LRRN1: variants seen among roughly 807,000 people sequenced by gnomAD.
The protein encoded by LRRN1 is leucine-rich repeat neuronal protein 1.
LRRN1 carries 14 observed loss-of-function variants against 45.8 expected under a neutral mutation model. The observed-to-expected ratio is 0.31, with a 90% CI of 0.20 to 0.48. The LOEUF is 0.48. Among genes scored for constraint, LRRN1 ranks in the 20% least tolerant of loss-of-function variants. The pLI is 0.99. For synonymous variants in LRRN1, 359 were observed against 330.1 expected, an observed-to-expected ratio of 1.09 and a Z score of -0.95; for missense variants, 789 against 874.2, an observed-to-expected ratio of 0.90 and a Z score of 1.23.
intron 1 of LRRN1, among the ~76,000 whole-genome samples, chr3:3,838,004 C>G (rs1191091819): frequency 6.6e-6 from 1 of 152,022 alleles, no homozygotes; most frequent in African/African-American, 2.4e-5. Flanking sequence ...TCTGTTCCTG[C>G]GTTAGTTTGC....
chr3:3,844,729 A>G lies in LRRN1; in HGVS notation c.88A>G (p.Ser30Gly). 6.2e-7 allele frequency: 1 copy of G among 1,614,150 alleles called. No individual in the cohort carries two copies. Among genetic ancestry groups the G allele is most frequent in the Non-Finnish European group, 8.5e-7 (1 of 1,180,014 alleles). The stretch of plus-strand genomic sequence containing the variant: ...ATTAACCGAGTCTTCCATACAGAAT[A>G]GTGAGTGTCCACAACTTTGCGTATG... ...TSLTESSIQN[S>G]ECPQLCVCEI... Residue 30 changes from serine to glycine, a missense_variant, in exon 2 of 2, where the codon AGT becomes GGT. Coordinates refer to ENST00000319331, the MANE Select transcript of LRRN1 (RefSeq NM_020873.7).
intron 1 of LRRN1, among the ~76,000 whole-genome samples, chr3:3,808,019 G>A (rs1044039888): frequency 5.3e-5 from 8 of 152,178 alleles, no homozygotes; most frequent in African/African-American, 1.9e-4. Flanking sequence ...AAATATGTGG[G>A]CAAAGGCTGG....
Position 3,804,541 on chromosome 3 carries a change from C to A in LRRN1, c.-279+4622C>A, listed in dbSNP as rs917454379. Among the ~76,000 whole-genome samples, 3 of 152,338 alleles carry A rather than the reference C, an allele frequency of 2.0e-5. No individual in the cohort carries two copies. In the South Asian group the frequency reaches 6.2e-4, roughly 32 times the overall value. The stretch of plus-strand genomic sequence containing the variant: ...AGCTTAAGACACTTAGTTTTAAAAT[C>A]TATGGAGTGAAAACTGCTTTTAGAG... On this transcript the variant is annotated intron_variant, in intron 1 of 1. Coordinates refer to ENST00000319331, the MANE Select transcript of LRRN1 (RefSeq NM_020873.7).
chr3:3,836,572 G>T (rs917455602), intron 1 of LRRN1, among the ~76,000 whole-genome samples: 5 of 152,048 alleles, frequency 3.3e-5, no homozygotes, highest in African/African-American at 1.2e-4. Context: ...GTGTGTGTTT[G>T]TGTGTGTGTA....
chr3:3,817,697 T>C (rs1378129809), intron 1 of LRRN1, among the ~76,000 whole-genome samples: 1 of 152,182 alleles, frequency 6.6e-6, no homozygotes, highest in Non-Finnish European at 1.5e-5. Context: ...TGTTAGTTTT[T>C]TTTTTTTTTA....
At chr3:3,823,477 T>G (rs541091296) in intron 1 of LRRN1, among the ~76,000 whole-genome samples, 2 of 152,264 alleles carry the variant, frequency 1.3e-5, no homozygotes, top group Non-Finnish European at 2.9e-5. Flanking sequence ...TTTCAGGACA[T>G]AAATTAATTT....
intron 1 of LRRN1, among the ~76,000 whole-genome samples, chr3:3,807,633 C>G (rs559172017): frequency 6.6e-6 from 1 of 152,282 alleles, no homozygotes; most frequent in Admixed American, 6.5e-5. Context: ...GACTGAGAAG[C>G]CACATGACTA....
rs990498769 is a variant in LRRN1 at position 3,849,290 on chromosome 3, T to C, written c.*2498T>C. 2.6e-5 allele frequency among the ~76,000 whole-genome samples: 4 copies of C among 152,232 alleles called. No homozygotes were observed. The highest frequency in any genetic ancestry group is 5.9e-5 in the Non-Finnish European group (4 of 68,036). ...CAAGCACCGGGAAATCTAAGATTTTTCATCAACAATATCTTCTGCCAGCCC... is the reference window on the plus strand; with the variant it reads ...CAAGCACCGGGAAATCTAAGATTTTCCATCAACAATATCTTCTGCCAGCCC... On this transcript the variant is annotated 3_prime_UTR_variant, in exon 2 of 2. Coordinates refer to ENST00000319331, the MANE Select transcript of LRRN1 (RefSeq NM_020873.7).
intron 1 of LRRN1, among the ~76,000 whole-genome samples, chr3:3,828,873 G>A (rs974310082): frequency 6.6e-6 from 1 of 152,110 alleles, no homozygotes; most frequent in African/African-American, 2.4e-5. Context: ...TTCTGCACTT[G>A]TTTCTGCAGC....
At chr3:3,838,255 A>G (rs1693568723) in intron 1 of LRRN1, among the ~76,000 whole-genome samples, 1 of 152,220 alleles carries the variant, frequency 6.6e-6, no homozygotes. Flanking sequence ...CTAACTCAAG[A>G]TAGATTAAAG....
At chr3:3,839,912 TTATG>T (rs1693610507) in intron 1 of LRRN1, among the ~76,000 whole-genome samples, 11 of 152,250 alleles carry the variant, frequency 7.2e-5, no homozygotes, top group Admixed American at 7.2e-4. Flanking sequence ...ATATATGAGA[TTATG>T]TAATCTGGGA....
At chr3:3,818,557 T>A (rs1214452976) in intron 1 of LRRN1, among the ~76,000 whole-genome samples, 1 of 152,080 alleles carries the variant, frequency 6.6e-6, no homozygotes, top group Non-Finnish European at 1.5e-5. Flanking sequence ...AGAAAAAAAT[T>A]TTTCCCGTCG....
Position 3,845,566 on chromosome 3 carries a change from G to A in LRRN1, c.925G>A (p.Asp309Asn). 1 of 1,614,092 alleles carries A rather than the reference G, an allele frequency of 6.2e-7. No homozygotes were observed. Among genetic ancestry groups the A allele is most frequent in the African/African-American group, 1.3e-5 (1 of 75,012 alleles). Residue 309 changes from aspartate to asparagine, a missense_variant, in exon 2 of 2, where the codon GAT (aspartate) becomes AAT (asparagine). Asp to Asn is a conservative substitution (Grantham distance 23, BLOSUM62 1). Coordinates refer to ENST00000319331, the MANE Select transcript of LRRN1 (RefSeq NM_020873.7). The surrounding 1 kb of genome is among the most constrained non-coding windows in gnomAD (Gnocchi z 6.5). ...CGTTTCTGTCGACCGCTATGCCCTG[G>A]ATAACTTGCCTGAACTCACAAAGCT... Reference protein sequence around the residue: ...ELVSVDRYALDNLPELTKLEA... With the variant: ...ELVSVDRYALNNLPELTKLEA...
intron 1 of LRRN1, among the ~76,000 whole-genome samples, chr3:3,800,482 G>T (rs915797480): frequency 6.6e-6 from 1 of 152,206 alleles, no homozygotes; most frequent in Admixed American, 6.5e-5. Context: ...ACAAGGCACT[G>T]AAAGTATTGA....
chr3:3,845,134 G>C lies in LRRN1; in HGVS notation c.493G>C (p.Gly165Arg), dbSNP rs1693736581. 3 of 1,614,008 alleles carry C rather than the reference G, an allele frequency of 1.9e-6. No individual in the cohort carries two copies. Among genetic ancestry groups the C allele is most frequent in the African/African-American group, 1.3e-5 (1 of 74,910 alleles). The change falls in exon 2 of 2, where the codon GGC becomes CGC. Residue 165 changes from glycine to arginine, a missense_variant. Coordinates refer to ENST00000319331, the MANE Select transcript of LRRN1 (RefSeq NM_020873.7). The surrounding 1 kb of genome is among the most constrained non-coding windows in gnomAD (Gnocchi z 6.5). ...ISTISAHAFA[G>R]LKNLLRLHLN... ...CACTATTTCTGCTCATGCTTTTGCA[G>C]GCTTAAAAAATCTATTAAGGCTCCA...
chr3:3,836,539 A>G (rs561491878), intron 1 of LRRN1, among the ~76,000 whole-genome samples: 15 of 152,232 alleles, frequency 9.9e-5, no homozygotes, highest in East Asian at 5.8e-4. Context: ...ATTCCATTGT[A>G]TGTACACACC....
At chr3:3,827,017 T>C (rs776121739) in intron 1 of LRRN1, among the ~76,000 whole-genome samples, 6 of 152,096 alleles carry the variant, frequency 3.9e-5, no homozygotes, top group Non-Finnish European at 7.4e-5. Flanking sequence ...TGCCTTACTT[T>C]CATCTTCAAC....
intron 1 of LRRN1, among the ~76,000 whole-genome samples, chr3:3,809,188 G>C (rs1426036499): frequency 2.0e-5 from 3 of 152,120 alleles, no homozygotes; most frequent in Admixed American, 2.0e-4. Context: ...CTGTCGCCCA[G>C]GCTGGAGTGC....
At position 3,849,188 on chromosome 3, in the gene LRRN1, C is replaced by T. The variant is rs1028249726; in HGVS notation, c.*2396C>T. Among the ~76,000 whole-genome samples the T allele has an allele frequency of 6.6e-6, 1 of 152,210 alleles. No individual in the cohort carries two copies. ...CCCATAAAGCAAACATTTGAACTTA[C>T]ACAGAATGAGCACTTAAATACGGGT... On this transcript the variant is annotated 3_prime_UTR_variant, in exon 2 of 2. Transcript: ENST00000319331.
Sources: gnomAD v4.1 joint callset for allele counts (sites outside exome capture counted in the v4.1 genomes callset) on GRCh38, gnomAD v4.1.1 for gene constraint, Gnocchi (gnomAD v3.1) non-coding constraint, MANE v1.5 for transcripts, NCBI Gene and HGNC (gene_info 2026-07-23, HGNC 2026-07-21) for gene names.